PTDSS1: variants seen among roughly 807,000 people sequenced by gnomAD.
The protein encoded by PTDSS1 is PSS-1.
A neutral mutation model predicts 70.5 loss-of-function variants in PTDSS1; 45 were observed. The ratio of observed to expected loss-of-function variants is 0.64; its 90% CI spans 0.50 to 0.82. The LOEUF is 0.82. Among genes scored for constraint, PTDSS1 ranks in the 40% least tolerant of loss-of-function variants. PTDSS1 has a pLI of 0.00. For synonymous variants in PTDSS1, 188 were observed against 203.8 expected (o/e 0.92, Z 0.66); for missense variants, 417 against 586.1 (o/e 0.71, Z 2.98).
chr8:96,289,086 C>A (rs1307430343), intron 4 of PTDSS1, among the ~76,000 whole-genome samples: 1 of 152,080 alleles, frequency 6.6e-6, no homozygotes, highest in Non-Finnish European at 1.5e-5. Flanking sequence ...AGGCGCCTGC[C>A]ACTACGCCTG....
At position 96,284,152 on chromosome 8, in the gene PTDSS1, T is replaced by C. The variant is rs1810787830; in HGVS notation, c.315T>C (p.Phe105=). 1.2e-6 allele frequency: 2 copies of C among 1,605,530 alleles called. No individual in the cohort carries two copies. Among genetic ancestry groups the C allele is most frequent in the Non-Finnish European group, 1.7e-6 (2 of 1,172,864 alleles). Residue 105 remains phenylalanine (F), a splice_region_variant and synonymous_variant, in exon 3 of 13, where the codon TTT becomes TTC. Coordinates refer to ENST00000517309, the MANE Select transcript of PTDSS1 (RefSeq NM_014754.3). ...ATCCAGCCTTATGGCGAATGGTTTT[T>C]GGTGAGTTTATATTAGCAATGTAAA... ...RPHPALWRMV[F]GLSVLYFLFL... is the part of the protein sequence containing the mutation.
At chr8:96,283,089 C>T (rs1225502313) in intron 2 of PTDSS1, among the ~76,000 whole-genome samples, 1 of 152,206 alleles carries the variant, frequency 6.6e-6, no homozygotes, top group Non-Finnish European at 1.5e-5. Flanking sequence ...TGCCTACTGC[C>T]CCTACTGGCC....
chr8:96,316,607 C>T (rs1045773268), intron 9 of PTDSS1, among the ~76,000 whole-genome samples: 1 of 152,114 alleles, frequency 6.6e-6, no homozygotes, highest in African/African-American at 2.4e-5. Flanking sequence ...CTGGGTGCTA[C>T]GCTCACTACC....
At chr8:96,277,014 C>T (rs1810658442) in intron 2 of PTDSS1, among the ~76,000 whole-genome samples, 1 of 135,732 alleles carries the variant, frequency 7.4e-6, no homozygotes. Flanking sequence ...ACACACACAC[C>T]ACCATTCACC....
At chr8:96,294,771 C>T (rs1178616041) in intron 4 of PTDSS1, among the ~76,000 whole-genome samples, 1 of 152,156 alleles carries the variant, frequency 6.6e-6, no homozygotes, top group Non-Finnish European at 1.5e-5. Flanking sequence ...GCTTTAGTTA[C>T]TGGCTTTAAT....
intron 4 of PTDSS1, among the ~76,000 whole-genome samples, chr8:96,291,489 G>A (rs985961942): frequency 6.8e-6 from 1 of 147,550 alleles, no homozygotes; most frequent in African/African-American, 2.5e-5. Context: ...ACTGAACAGT[G>A]AACAGTACGC....
chr8:96,303,957 C>T, intron 6 of PTDSS1, 83 bp from the exon 7 acceptor site: 3 of 1,358,264 alleles, frequency 2.2e-6, no homozygotes, highest in Non-Finnish European at 1.0e-6. Flanking sequence ...TAAAAATCAT[C>T]AGTGCACAGG....
intron 3 of PTDSS1, among the ~76,000 whole-genome samples, chr8:96,285,990 A>G (rs1363838491): frequency 6.6e-6 from 1 of 152,148 alleles, no homozygotes; most frequent in Non-Finnish European, 1.5e-5. Flanking sequence ...ATGCACAATT[A>G]TGGGCTGGCC....
Position 96,267,880 on chromosome 8 carries a change from C to T in PTDSS1, c.180-5419C>T, listed in dbSNP as rs145298196. Among the ~76,000 whole-genome samples, 12 of 152,330 alleles carry T rather than the reference C, an allele frequency of 7.9e-5. No individual in the cohort carries two copies. The East Asian group carries it at 2.1e-3, about 27-fold the overall frequency. On this transcript the variant is annotated intron_variant, in intron 1 of 12. Transcript: ENST00000517309. ...ATCTCTCAGACTGGAAGGCACCTCCCGCCACCTCCTGCCCACACATGACAC... is the reference window on the plus strand; with the variant it reads ...ATCTCTCAGACTGGAAGGCACCTCCTGCCACCTCCTGCCCACACATGACAC...
intron 9 of PTDSS1, among the ~76,000 whole-genome samples, chr8:96,313,722 C>T (rs376320825): frequency 1.4e-4 from 22 of 152,324 alleles, no homozygotes; most frequent in African/African-American, 4.3e-4. Flanking sequence ...GCTCCTCACC[C>T]GACCAGTTTC....
At chr8:96,332,126 G>GT (rs1295227347) in intron 12 of PTDSS1, among the ~76,000 whole-genome samples, 6 of 151,476 alleles carry the variant, frequency 4.0e-5, no homozygotes, top group African/African-American at 1.5e-4. Context: ...GCAGGGCAGT[G>GT]TAAGAGATTT....
chr8:96,279,818 CAAAT>C (rs10615614), intron 2 of PTDSS1, among the ~76,000 whole-genome samples: 65,855 of 148,368 alleles, frequency 0.44, 14,835 homozygotes, highest in African/African-American at 0.52. Context: ...TACTCCATCT[CAAAT>C]AAATAAATAA....
chr8:96,263,294 T>C (rs1414311799), intron 1 of PTDSS1, among the ~76,000 whole-genome samples: 2 of 152,228 alleles, frequency 1.3e-5, no homozygotes, highest in Non-Finnish European at 2.9e-5. Context: ...CCGTGGTTCC[T>C]ACTTAGAATG....
chr8:96,274,593 TG>T (rs1810614171), intron 2 of PTDSS1, among the ~76,000 whole-genome samples: 1 of 152,052 alleles, frequency 6.6e-6, no homozygotes, highest in African/African-American at 2.4e-5. Context: ...GGCGTGGTGG[TG>T]CGTGCCTGTA....
rs775565526 is a variant in PTDSS1 at position 96,295,272 on chromosome 8, T to C, written c.600+16T>C. 10 of 1,608,840 alleles carry C rather than the reference T, an allele frequency of 6.2e-6. No individual in the cohort carries two copies. The highest frequency in any genetic ancestry group is 5.1e-5 in the Admixed American group (3 of 59,250). On this transcript the variant is annotated intron_variant, in intron 5 of 12. Transcript: ENST00000517309. ...GCTGACTGAGGTAAGAAGGAGGGCATTGGGGGTTCCCCAGACTGTGCCATG... is the reference window on the plus strand; with the variant it reads ...GCTGACTGAGGTAAGAAGGAGGGCACTGGGGGTTCCCCAGACTGTGCCATG...
At chr8:96,320,820 G>C (rs1367996442) in intron 10 of PTDSS1, among the ~76,000 whole-genome samples, 1 of 152,170 alleles carries the variant, frequency 6.6e-6, no homozygotes, top group Non-Finnish European at 1.5e-5. Flanking sequence ...TGCCCTCCAG[G>C]TCCACGTTAT....
At position 96,304,117 on chromosome 8, in the gene PTDSS1, G is replaced by A. The variant is rs756063298; in HGVS notation, c.830G>A (p.Trp277Ter). The change falls in exon 7 of 13, where the codon TGG becomes TAG. Residue 277 changes from tryptophan (W) to a stop codon, truncating the protein, a stop_gained. Coordinates refer to ENST00000517309, the MANE Select transcript of PTDSS1 (RefSeq NM_014754.3). LOFTEE classifies it high-confidence loss of function. ...FTPASWTYVR[W>*]FDPKSSFQRV... Reference sequence around the variant, plus strand: ...CCTGCTAGCTGGACCTATGTTCGATGGTTTGACCCCAAATCTTCTTTTCAG... The same window carrying A: ...CCTGCTAGCTGGACCTATGTTCGATAGTTTGACCCCAAATCTTCTTTTCAG... 5 of 1,613,670 alleles carry A rather than the reference G, an allele frequency of 3.1e-6. No homozygotes were observed. The highest frequency in any genetic ancestry group is 1.7e-5 in the Admixed American group (1 of 59,946).
chr8:96,304,797 C>G (rs1308943996), intron 7 of PTDSS1, among the ~76,000 whole-genome samples: 1 of 152,166 alleles, frequency 6.6e-6, no homozygotes, highest in Non-Finnish European at 1.5e-5. Context: ...GCTCCTGGCC[C>G]CAGGTTGTTT....
Position 96,262,285 on chromosome 8 carries a change from C to A in PTDSS1, c.179+66C>A. ...AGGGAAGAGGCGGGAGGGAGGGTGG[C>A]GGGGAGGGGGGCCCGGCATGGCTCT... is the stretch of plus-strand genomic sequence containing the variant. On this transcript the variant is annotated intron_variant, in intron 1 of 12. Coordinates refer to ENST00000517309, the MANE Select transcript of PTDSS1 (RefSeq NM_014754.3). The surrounding 1 kb of genome is among the most constrained non-coding windows in gnomAD (Gnocchi z 4.4). 3.4e-6 allele frequency: 1 copy of A among 297,720 alleles called. No individual in the cohort carries two copies. The allele number at this position is 297,720 out of a possible 1,614,324, so 18.4% of individuals were successfully genotyped here.
Sources: allele counts gnomAD v4.1 joint callset (sites outside exome capture counted in the v4.1 genomes callset), GRCh38; gene constraint gnomAD v4.1.1; non-coding constraint Gnocchi (gnomAD v3.1); transcripts MANE v1.5; gene names NCBI Gene and HGNC (gene_info 2026-07-23, HGNC 2026-07-21).